Variants in FRMD6 observed in about 807,000 individuals in gnomAD.
FRMD6 encodes the protein FERM domain-containing protein 6.
Under a neutral mutation model 73.2 loss-of-function variants are expected in FRMD6, and 37 were observed. That is an observed-to-expected ratio of 0.51 (90% CI 0.39 to 0.66). The LOEUF (loss-of-function observed/expected upper bound fraction) is 0.66, where lower values mean the gene tolerates loss of function less well. FRMD6 is among the 30% of genes least tolerant of loss of function. The probability of loss-of-function intolerance (pLI) is 0.00; values close to 1 mark genes in which losing one functional copy is unlikely to be tolerated. For synonymous variants in FRMD6, 273 were observed against 282.2 expected (o/e 0.97, Z 0.33); for missense variants, 714 against 780.5 (o/e 0.91, Z 1.02).
intron 2 of FRMD6, among the ~76,000 whole-genome samples, chr14:51,580,186 C>G (rs932148353): frequency 3.9e-5 from 6 of 152,010 alleles, no homozygotes; most frequent in Non-Finnish European, 7.4e-5. Context: ...TGGGGATTAT[C>G]TGGCTACCTC....
chr14:51,545,892 A>G (rs1254030383), intron 1 of FRMD6, among the ~76,000 whole-genome samples: 3 of 152,136 alleles, frequency 2.0e-5, no homozygotes, highest in Admixed American at 6.6e-5. Flanking sequence ...GTGAAATCCT[A>G]ATCAATCCAT....
At chr14:51,476,912 A>G in the FRMD6 span, among the ~76,000 whole-genome samples, 2 of 152,214 alleles carry the variant, frequency 1.3e-5, no homozygotes, top group Admixed American at 1.3e-4. Context: ...GAGAGTAACT[A>G]TAGGGAAGAC....
chr14:51,615,602 A>G (rs1890679061), intron 2 of FRMD6, among the ~76,000 whole-genome samples: 1 of 152,170 alleles, frequency 6.6e-6, no homozygotes, highest in South Asian at 2.1e-4. Flanking sequence ...AAATTGTTTT[A>G]CATTCACTTC....
chr14:51,399,025 A>G, the FRMD6 span, among the ~76,000 whole-genome samples: 30 of 152,052 alleles, frequency 2.0e-4, no homozygotes, highest in Non-Finnish European at 4.0e-4. Context: ...TCCCCACCCC[A>G]CATCGGCACA....
chr14:51,719,277 G>C (rs1313097428), intron 10 of FRMD6, among the ~76,000 whole-genome samples: 1 of 152,178 alleles, frequency 6.6e-6, no homozygotes, highest in Non-Finnish European at 1.5e-5. Context: ...CTGCGTTAAA[G>C]AACAGCACTG....
intron 7 of FRMD6, among the ~76,000 whole-genome samples, chr14:51,710,592 A>G (rs940044402): frequency 2.0e-5 from 3 of 152,200 alleles, no homozygotes; most frequent in African/African-American, 7.2e-5. Context: ...AATAGTAGAA[A>G]TAGGCTGTGT....
chr14:51,526,625 T>C (rs1019897048), intron 1 of FRMD6, among the ~76,000 whole-genome samples: 1 of 152,210 alleles, frequency 6.6e-6, no homozygotes, highest in African/African-American at 2.4e-5. Context: ...TAAATTCTTG[T>C]CTGAGGCAAC....
At position 51,585,862 on chromosome 14, in the gene FRMD6, A is replaced by T. The variant is rs1888997259; in HGVS notation, c.-147+15452A>T. Among the ~76,000 whole-genome samples the T allele has an allele frequency of 2.0e-5, 3 of 148,834 alleles. No homozygotes were observed. The South Asian group carries it at 6.5e-4, about 32-fold the overall frequency. The stretch of plus-strand genomic sequence containing the variant: ...ACTTAGGATAATGGCTTCTAGTTCC[A>T]TCCATGTTGCTGCAAAAGACATTAT... On this transcript the variant is annotated intron_variant, in intron 2 of 14. Coordinates refer to the FRMD6 transcript ENST00000356218.
At chr14:51,713,412 C>T (rs569784235) in intron 9 of FRMD6, among the ~76,000 whole-genome samples, 5 of 150,500 alleles carry the variant, frequency 3.3e-5, no homozygotes, top group East Asian at 3.9e-4. Flanking sequence ...GAGCCAAGAC[C>T]GCACCATTGC....
intron 1 of FRMD6, among the ~76,000 whole-genome samples, chr14:51,536,430 T>G (rs1885896608): frequency 6.6e-6 from 1 of 151,906 alleles, no homozygotes; most frequent in African/African-American, 2.4e-5. Flanking sequence ...TTATTTTATT[T>G]TTTTTAGAGG....
intron 1 of FRMD6, among the ~76,000 whole-genome samples, chr14:51,535,441 A>G (rs1021167664): frequency 2.0e-5 from 3 of 152,138 alleles, no homozygotes; most frequent in Non-Finnish European, 2.9e-5. Context: ...TCTACTTTCT[A>G]TCTCCACAGA....
At chr14:51,594,308 T>A (rs139339086) in intron 2 of FRMD6, among the ~76,000 whole-genome samples, 1 of 65,332 alleles carries the variant, frequency 1.5e-5, no homozygotes, top group African/African-American at 3.9e-5. Context: ...TATTTTATTT[T>A]TATTTATTTA....
At chr14:51,722,169 G>C in intron 12 of FRMD6, 89 bp downstream of exon 12, 1 of 1,433,780 alleles carries the variant, frequency 7.0e-7, no homozygotes, top group South Asian at 1.2e-5. Flanking sequence ...GGGGTGAGCT[G>C]GGGGCCCTAG....
chr14:51,427,974 G>A, the FRMD6 span, among the ~76,000 whole-genome samples: 137,023 of 152,266 alleles, frequency 0.9, 61,864 homozygotes, highest in Non-Finnish European at 0.92. Flanking sequence ...TTTACAAAGA[G>A]GTACATCCAG....
intron 1 of FRMD6, among the ~76,000 whole-genome samples, chr14:51,559,966 C>G (rs1425171643): frequency 6.6e-6 from 1 of 152,162 alleles, no homozygotes; most frequent in Non-Finnish European, 1.5e-5. Context: ...ATTGTAAATA[C>G]TAACTTAATT....
intron 2 of FRMD6, among the ~76,000 whole-genome samples, chr14:51,581,636 G>C (rs1459838596): frequency 6.6e-6 from 1 of 152,096 alleles, no homozygotes; most frequent in Non-Finnish European, 1.5e-5. Context: ...ATCTATCCTT[G>C]GTTCATTTTG....
upstream of FRMD6, chr14:51,651,831 G>GCGGGT (rs955255646): frequency 3.1e-5 from 4 of 127,310 alleles, no homozygotes; most frequent in Non-Finnish European, 5.2e-5. Flanking sequence ...ATTCGGGGGG[G>GCGGGT]CGGGTCGGGT....
At chr14:51,544,158 T>C (rs1427916069) in intron 1 of FRMD6, among the ~76,000 whole-genome samples, 5 of 152,056 alleles carry the variant, frequency 3.3e-5, no homozygotes, top group Non-Finnish European at 7.4e-5. Context: ...CTGTGAAGAT[T>C]TTTATGTAAC....
chr14:51,497,695 A>C (rs1883384643), intron 1 of FRMD6, among the ~76,000 whole-genome samples: 2 of 152,200 alleles, frequency 1.3e-5, no homozygotes, highest in Non-Finnish European at 2.9e-5. Context: ...GATATTTTAA[A>C]CTTTTCCATA....
Sources: gnomAD v4.1 joint callset for allele counts (sites outside exome capture counted in the v4.1 genomes callset) on GRCh38, gnomAD v4.1.1 for gene constraint, MANE v1.5 for transcripts, NCBI Gene and HGNC (gene_info 2026-07-23, HGNC 2026-07-21) for gene names.